Variants in SP100 observed in about 807,000 individuals in gnomAD.
SP100 encodes SP100 nuclear body protein, also known as nuclear autoantigen Sp-100.
SP100 carries 84 observed loss-of-function variants against 130.0 expected under a neutral mutation model. The observed-to-expected ratio is 0.65, with a 90% CI of 0.54 to 0.77. SP100 has a LOEUF of 0.77. Ranked by LOEUF, SP100 falls within the 30% of genes least tolerant of loss-of-function variation. The pLI is 0.00. For synonymous variants in SP100, 331 were observed against 351.7 expected (o/e 0.94, Z 0.66); for missense variants, 978 against 1,052.2 (o/e 0.93, Z 0.97).
At chr2:230,523,037 A>T (rs1187784505) in intron 24 of SP100, among the ~76,000 whole-genome samples, 3 of 150,792 alleles carry the variant, frequency 2.0e-5, no homozygotes, top group Non-Finnish European at 1.5e-5. Flanking sequence ...CTGGTCTCAA[A>T]CTCCCGATCT....
chr2:230,502,952 T>G (rs2067119372), intron 19 of SP100, 114 bp from the exon 20 acceptor site: 2 of 798,668 alleles, frequency 2.5e-6, no homozygotes, highest in South Asian at 3.9e-5. Flanking sequence ...ACTCCTGATA[T>G]TTTTCTTTAA....
Position 230,437,419 on chromosome 2 carries a change from T to C in SP100, c.108-5518T>C, listed in dbSNP as rs191962844. Reference sequence around the variant, plus strand: ...TTTCTAAAATCTTAAGTAATTTATTTTCTATATGAAGTCTGTTTCACTTCT... The same window carrying C: ...TTTCTAAAATCTTAAGTAATTTATTCTCTATATGAAGTCTGTTTCACTTCT... On this transcript the variant is annotated intron_variant, in intron 2 of 28. Coordinates refer to ENST00000340126, the MANE Select transcript of SP100 (RefSeq NM_001080391.2). 6.3e-3 allele frequency among the ~76,000 whole-genome samples: 956 copies of C among 152,344 alleles called. 6 individuals are homozygous for C. The highest frequency in any genetic ancestry group is 0.021 in the African/African-American group (872 of 41,582).
chr2:230,498,971 C>A (rs1281593153), intron 19 of SP100, among the ~76,000 whole-genome samples: 1 of 152,156 alleles, frequency 6.6e-6, no homozygotes, highest in African/African-American at 2.4e-5. Context: ...GTCAGTTAGA[C>A]AAGACTGGCT....
intron 8 of SP100, among the ~76,000 whole-genome samples, chr2:230,453,748 C>T (rs2064132831): frequency 6.6e-6 from 1 of 152,038 alleles, no homozygotes; most frequent in African/African-American, 2.4e-5. Context: ...GGATAGTGGC[C>T]TATAATTTTC....
chr2:230,503,150 T>C (rs1471729897), intron 20 of SP100, 40 bp downstream of exon 20: 1 of 1,372,490 alleles, frequency 7.3e-7, no homozygotes, highest in Non-Finnish European at 1.0e-6. Context: ...TAATTAAACA[T>C]TTAATATTTA....
Position 230,543,336 on chromosome 2 carries a change from G to A in SP100, c.*390G>A, listed in dbSNP as rs1231271459. The A allele has an allele frequency of 6.5e-6, 1 of 153,704 alleles. No homozygotes were observed. Among genetic ancestry groups the A allele is most frequent in the Non-Finnish European group, 1.4e-5 (1 of 69,194 alleles). The allele number at this position is 153,704 out of a possible 1,614,324, so 9.5% of individuals were successfully genotyped here. A position where few individuals can be genotyped will look rare whatever the true frequency, so the allele number is the denominator to read the frequency against. On this transcript the variant is annotated 3_prime_UTR_variant, in exon 29 of 29. Transcript: ENST00000340126. ...GTCAGGAAGCAGAAAAAAATAAAGGGTATCTAAATAGGCAAAGAGGAAGTC... is the reference window on the plus strand; with the variant it reads ...GTCAGGAAGCAGAAAAAAATAAAGGATATCTAAATAGGCAAAGAGGAAGTC...
intron 17 of SP100, among the ~76,000 whole-genome samples, chr2:230,490,913 C>T (rs566809414): frequency 1.3e-5 from 2 of 151,516 alleles, no homozygotes; most frequent in Non-Finnish European, 3.0e-5. Context: ...CTGGTCTTTC[C>T]TTCATTTGGA....
intron 24 of SP100, chr2:230,538,239 A>G (rs991427135): frequency 3.3e-5 from 5 of 152,226 alleles, no homozygotes; most frequent in Non-Finnish European, 5.9e-5. Flanking sequence ...TTAAAGAGAC[A>G]TACACCAAGT....
At chr2:230,473,900 A>T (rs1438159823) in intron 16 of SP100, among the ~76,000 whole-genome samples, 4 of 152,166 alleles carry the variant, frequency 2.6e-5, no homozygotes, top group African/African-American at 9.7e-5. Flanking sequence ...AAAAAAAAGA[A>T]AACATGTTCT....
At chr2:230,481,890 A>G (rs1048058860) in intron 17 of SP100, among the ~76,000 whole-genome samples, 4 of 152,146 alleles carry the variant, frequency 2.6e-5, no homozygotes, top group African/African-American at 9.7e-5. Context: ...CCTGGTAAGA[A>G]TGGTTTCCTC....
chr2:230,419,508 G>A (rs984014732), intron 2 of SP100, among the ~76,000 whole-genome samples: 14 of 152,148 alleles, frequency 9.2e-5, no homozygotes, highest in African/African-American at 3.4e-4. Context: ...GTTGATGCTG[G>A]CAATTCAGAT....
intron 24 of SP100, chr2:230,538,667 A>G (rs1237256628): frequency 6.6e-6 from 1 of 152,512 alleles, no homozygotes. Flanking sequence ...CTCTTCCTCC[A>G]GGTTCCCAGA....
intron 17 of SP100, among the ~76,000 whole-genome samples, chr2:230,479,489 T>G (rs2065731578): frequency 6.6e-6 from 1 of 152,216 alleles, no homozygotes; most frequent in South Asian, 2.1e-4. Context: ...ATTGTTCTAC[T>G]TATCTATTTC....
chr2:230,503,223 C>G (rs956236767), intron 20 of SP100, 113 bp downstream of exon 20: 11 of 655,880 alleles, frequency 1.7e-5, no homozygotes, highest in Non-Finnish European at 2.2e-5. Flanking sequence ...AGTACTGGAG[C>G]CTTAACGTTG....
At chr2:230,530,355 G>T (rs1239807220) in intron 24 of SP100, among the ~76,000 whole-genome samples, 2 of 152,170 alleles carry the variant, frequency 1.3e-5, no homozygotes, top group Admixed American at 6.5e-5. Context: ...AATAAATCGT[G>T]CTGGGAAAAC....
At chr2:230,503,728 AAG>A (rs1340988322) in intron 20 of SP100, among the ~76,000 whole-genome samples, 3 of 152,196 alleles carry the variant, frequency 2.0e-5, no homozygotes, top group Non-Finnish European at 4.4e-5. Flanking sequence ...GCAGTTGGCA[AAG>A]AGGGAGACAG....
At chr2:230,497,395 G>A (rs1371639961) in intron 18 of SP100, among the ~76,000 whole-genome samples, 1 of 149,400 alleles carries the variant, frequency 6.7e-6, no homozygotes, top group East Asian at 2.0e-4. Flanking sequence ...AAAGAAAAAT[G>A]CAGGGAGATG....
chr2:230,510,693 C>T (rs1394424390), intron 23 of SP100: 1 of 194,006 alleles, frequency 5.2e-6, no homozygotes, highest in Non-Finnish European at 1.1e-5. Flanking sequence ...GACGGGGTTT[C>T]ACCACGTTAG....
At chr2:230,516,126 G>T in intron 24 of SP100, 1 of 956,782 alleles carries the variant, frequency 1.0e-6, no homozygotes, top group Non-Finnish European at 1.2e-6. Flanking sequence ...AAGGTACCAG[G>T]TCAGTCTTCT....
Sources: gnomAD v4.1 joint callset for allele counts (sites outside exome capture counted in the v4.1 genomes callset) on GRCh38, gnomAD v4.1.1 for gene constraint, MANE v1.5 for transcripts, NCBI Gene and HGNC (gene_info 2026-07-23, HGNC 2026-07-21) for gene names.